Variants in GABRG3 observed in about 807,000 individuals in gnomAD.
GABRG3 encodes the protein gamma-aminobutyric acid type A receptor subunit gamma3.
GABRG3 carries 25 observed loss-of-function variants against 48.8 expected under a neutral mutation model. The observed-to-expected ratio is 0.51, with a 90% CI of 0.37 to 0.72. The LOEUF (loss-of-function observed/expected upper bound fraction) is 0.72, where lower values mean the gene tolerates loss of function less well. Among genes scored for constraint, GABRG3 ranks in the 30% least tolerant of loss-of-function variants. The pLI, the probability that GABRG3 is intolerant of heterozygous loss-of-function variation, is 0.00. For missense variants in GABRG3, 394 were observed against 577.9 expected (o/e 0.68, Z 3.26); for synonymous variants, 227 against 217.6 (o/e 1.04, Z -0.38).
At chr15:27,502,274 AT>A (rs1478635404) in intron 6 of GABRG3, among the ~76,000 whole-genome samples, 2 of 152,178 alleles carry the variant, frequency 1.3e-5, no homozygotes, top group Non-Finnish European at 2.9e-5. Context: ...TTATTGTTTG[AT>A]CCATAGGCTG....
At position 27,245,841 on chromosome 15, in the gene GABRG3, G is replaced by A. The variant is rs187062661; in HGVS notation, c.271-80968G>A. Among the ~76,000 whole-genome samples the A allele has an allele frequency of 2.6e-3, 403 of 152,270 alleles. 1 individual carries two copies. The highest frequency in any genetic ancestry group is 4.2e-3 in the Non-Finnish European group (288 of 68,020). On this transcript the variant is annotated intron_variant, in intron 3 of 9. Coordinates refer to ENST00000615808, the MANE Select transcript of GABRG3 (RefSeq NM_033223.5). ...TGCACTCCAGCCTGGGTGACAGTGC[G>A]AGACTCCATCTCAAAAACAAAAACA...
intron 3 of GABRG3, among the ~76,000 whole-genome samples, chr15:27,321,386 G>C (rs368128370): frequency 6.9e-4 from 105 of 152,318 alleles, no homozygotes; most frequent in African/African-American, 2.3e-3. Context: ...GCAGGGACAG[G>C]CGCCCAGGGA....
chr15:27,424,122 G>A (rs1451470775), intron 5 of GABRG3, among the ~76,000 whole-genome samples: 3 of 152,030 alleles, frequency 2.0e-5, no homozygotes, highest in Non-Finnish European at 4.4e-5. Context: ...TGTCCTGCTT[G>A]ATGAGAACGT....
intron 5 of GABRG3, among the ~76,000 whole-genome samples, chr15:27,329,369 A>T (rs1260296189): frequency 6.6e-6 from 1 of 152,100 alleles, no homozygotes; most frequent in African/African-American, 2.4e-5. Context: ...GATTCAAGTG[A>T]TTCTCCTGCC....
chr15:26,984,112 T>A (rs988685404), intron 2 of GABRG3, among the ~76,000 whole-genome samples: 1 of 152,150 alleles, frequency 6.6e-6, no homozygotes, highest in Non-Finnish European at 1.5e-5. Context: ...TTTGAAACAA[T>A]GATAATACAT....
chr15:27,235,944 C>T (rs766786584), intron 3 of GABRG3, among the ~76,000 whole-genome samples: 20 of 152,108 alleles, frequency 1.3e-4, no homozygotes, highest in Admixed American at 3.3e-4. Flanking sequence ...GCTGCAGAGA[C>T]GGACACACCC....
chr15:27,334,688 G>A (rs962531630), intron 5 of GABRG3, among the ~76,000 whole-genome samples: 16 of 148,406 alleles, frequency 1.1e-4, no homozygotes, highest in African/African-American at 3.2e-4. Flanking sequence ...TCTGAAGTTC[G>A]GTTGGATGTC....
chr15:27,421,268 A>G (rs1340288970), intron 5 of GABRG3, among the ~76,000 whole-genome samples: 1 of 152,234 alleles, frequency 6.6e-6, no homozygotes, highest in African/African-American at 2.4e-5. Flanking sequence ...AAGAGGAAAA[A>G]TAATGAGTTA....
At chr15:26,977,472 TC>T (rs1374645539) in intron 2 of GABRG3, among the ~76,000 whole-genome samples, 3 of 152,174 alleles carry the variant, frequency 2.0e-5, no homozygotes, top group African/African-American at 7.2e-5. Context: ...TCTGCTTCCT[TC>T]CCCCAAAATT....
chr15:26,991,432 A>G (rs1170641036), intron 2 of GABRG3, among the ~76,000 whole-genome samples: 1 of 151,856 alleles, frequency 6.6e-6, no homozygotes, highest in East Asian at 1.9e-4. Flanking sequence ...ACATTTTAGG[A>G]TAGTTTTTTA....
intron 3 of GABRG3, among the ~76,000 whole-genome samples, chr15:27,037,958 C>T (rs560866858): frequency 6.6e-6 from 1 of 152,082 alleles, no homozygotes; most frequent in African/African-American, 2.4e-5. Flanking sequence ...GCCCTCACCC[C>T]GTCCCCAGCA....
chr15:27,329,912 C>T (rs1477999118), intron 5 of GABRG3, among the ~76,000 whole-genome samples: 1 of 152,204 alleles, frequency 6.6e-6, no homozygotes, highest in East Asian at 1.9e-4. Context: ...ATGTATGACT[C>T]ATAAGAATTC....
chr15:27,201,561 A>C (rs1476607772), intron 3 of GABRG3, among the ~76,000 whole-genome samples: 1 of 149,592 alleles, frequency 6.7e-6, no homozygotes, highest in African/African-American at 2.5e-5. Flanking sequence ...AATTTCCATT[A>C]AGGGTCTGTA....
At chr15:27,485,602 G>C (rs1281912517) in intron 6 of GABRG3, among the ~76,000 whole-genome samples, 2 of 152,182 alleles carry the variant, frequency 1.3e-5, no homozygotes, top group Non-Finnish European at 1.5e-5. Context: ...AAGGTGATTA[G>C]TCCCAATCTT....
At chr15:27,308,123 T>C (rs1475535660) in intron 3 of GABRG3, among the ~76,000 whole-genome samples, 1 of 121,940 alleles carries the variant, frequency 8.2e-6, no homozygotes, top group Non-Finnish European at 1.7e-5. Flanking sequence ...CATCCAAACA[T>C]ATATAAACAT....
rs982578730 is a variant in GABRG3, at chr15:27,139,266, G to C, written c.270+112445G>C. ...AGGCTTGAGAAACTGCGGCTGGTTT[G>C]GGGGGTGCAGAGAGGGGATGGTGCA... On this transcript the variant is annotated intron_variant, in intron 3 of 9. Coordinates refer to ENST00000615808, the MANE Select transcript of GABRG3 (RefSeq NM_033223.5). Among the ~76,000 whole-genome samples, 18 of 152,260 alleles carry C rather than the reference G, an allele frequency of 1.2e-4. 1 individual carries two copies. Among genetic ancestry groups the C allele is most frequent in the Admixed American group, 7.8e-4 (12 of 15,296 alleles).
rs889087953 is a variant in GABRG3 at position 27,205,906 on chromosome 15, G to A, written c.271-120903G>A. ...GGGTTTTTTGAATTTCTTTATGGTT[G>A]GTGGTAATGTCTCCTTTGTCATTTC... On this transcript the variant is annotated intron_variant, in intron 3 of 9. Transcript: ENST00000615808. Among the ~76,000 whole-genome samples, 12 of 151,980 alleles carry A rather than the reference G, an allele frequency of 7.9e-5. No homozygotes were observed. In the South Asian group the frequency reaches 2.5e-3, roughly 32 times the overall value.
intron 5 of GABRG3, among the ~76,000 whole-genome samples, chr15:27,380,966 C>T (rs1199608929): frequency 3.3e-5 from 5 of 151,978 alleles, no homozygotes; most frequent in East Asian, 1.9e-4. Flanking sequence ...GGGGTTTCAC[C>T]GTGTTAGCCA....
chr15:27,144,226 G>T (rs58079392), intron 3 of GABRG3, among the ~76,000 whole-genome samples: 3,490 of 152,240 alleles, frequency 0.023, 156 homozygotes, highest in African/African-American at 0.081. Flanking sequence ...CTGACTGTGT[G>T]GCATCTTAAC....
Sources: gnomAD v4.1 joint callset for allele counts (sites outside exome capture counted in the v4.1 genomes callset) on GRCh38, gnomAD v4.1.1 for gene constraint, MANE v1.5 for transcripts, NCBI Gene and HGNC (gene_info 2026-07-23, HGNC 2026-07-21) for gene names.